ABI3BP: variants seen among roughly 807,000 people sequenced by gnomAD.
ABI3BP encodes the protein target of Nesh-SH3.
In ABI3BP, 216 loss-of-function variants were observed where a neutral mutation model predicts 268.6. That is an observed-to-expected ratio of 0.80 (90% CI 0.72 to 0.90). The LOEUF is 0.90. Ranked by LOEUF, ABI3BP falls within the 40% of genes least tolerant of loss-of-function variation. The pLI is 0.00. For missense variants in ABI3BP, 2,090 were observed against 2,182.4 expected, an observed-to-expected ratio of 0.96 and a Z score of 0.84; for synonymous variants, 730 against 730.0, an observed-to-expected ratio of 1.00 and a Z score of 0.00.
At chr3:100,934,390 C>A (rs2065074157) in intron 1 of ABI3BP, among the ~76,000 whole-genome samples, 2 of 152,084 alleles carry the variant, frequency 1.3e-5, no homozygotes, top group Admixed American at 6.6e-5. Context: ...CACTGATGGG[C>A]ATTTGGGTTG....
intron 34 of ABI3BP, 90 bp downstream of exon 34, chr3:100,828,303 C>A: frequency 7.8e-7 from 1 of 1,286,902 alleles, no homozygotes; most frequent in Non-Finnish European, 1.1e-6. Flanking sequence ...CGTTACAAAA[C>A]CAAAAATGTA....
chr3:100,873,447 A>C (rs745703072), intron 9 of ABI3BP, among the ~76,000 whole-genome samples: 11 of 152,058 alleles, frequency 7.2e-5, no homozygotes, highest in Non-Finnish European at 1.3e-4. Context: ...AGGGGGAAAA[A>C]GGAAAAGAGT....
At chr3:100,967,459 G>T (rs1415489301) in intron 1 of ABI3BP, among the ~76,000 whole-genome samples, 3 of 147,812 alleles carry the variant, frequency 2.0e-5, no homozygotes, top group African/African-American at 7.5e-5. Context: ...AGCTGAGGTA[G>T]CGCCGCTGCA....
intron 2 of ABI3BP, chr3:100,911,930 T>C: frequency 8.6e-7 from 1 of 1,161,898 alleles, no homozygotes; most frequent in Non-Finnish European, 1.3e-6. Flanking sequence ...TGGAGAATAT[T>C]TTCTTCAGTG....
intron 59 of ABI3BP, among the ~76,000 whole-genome samples, chr3:100,776,195 A>G (rs2096699386): frequency 6.6e-6 from 1 of 152,078 alleles, no homozygotes; most frequent in Admixed American, 6.6e-5. Context: ...CACCGGGGAG[A>G]AGGAGTCACT....
chr3:100,904,363 TG>T (rs1245207990), intron 2 of ABI3BP, among the ~76,000 whole-genome samples: 1 of 152,172 alleles, frequency 6.6e-6, no homozygotes, highest in Non-Finnish European at 1.5e-5. Flanking sequence ...GGAAGTCTGA[TG>T]GGACAATAGA....
At chr3:100,786,940 A>G (rs1312534664) in intron 57 of ABI3BP, among the ~76,000 whole-genome samples, 2 of 152,144 alleles carry the variant, frequency 1.3e-5, no homozygotes, top group Non-Finnish European at 2.9e-5. Flanking sequence ...ATCTCTAGGT[A>G]TTATTCACAT....
intron 51 of ABI3BP, among the ~76,000 whole-genome samples, chr3:100,801,290 T>C (rs2097527304): frequency 6.6e-6 from 1 of 151,840 alleles, no homozygotes; most frequent in Non-Finnish European, 1.5e-5. Context: ...AGGCCAGGCA[T>C]GGTGGCTTAC....
At chr3:100,979,524 T>C (rs2088125619) in intron 1 of ABI3BP, among the ~76,000 whole-genome samples, 1 of 152,170 alleles carries the variant, frequency 6.6e-6, no homozygotes, top group African/African-American at 2.4e-5. Context: ...TTTTAAATTA[T>C]CTGATAATTC....
chr3:100,938,684 ATACTT>A (rs1462091259), intron 1 of ABI3BP, among the ~76,000 whole-genome samples: 1 of 152,168 alleles, frequency 6.6e-6, no homozygotes, highest in African/African-American at 2.4e-5. Context: ...CTTCAGCTAA[ATACTT>A]TAAGGAGAAT....
At chr3:100,825,394 C>A (rs1438674361) in intron 35 of ABI3BP, among the ~76,000 whole-genome samples, 1 of 150,300 alleles carries the variant, frequency 6.7e-6, no homozygotes, top group Non-Finnish European at 1.5e-5. Context: ...TTTTTTAAAT[C>A]TAGAAACTCA....
intron 1 of ABI3BP, among the ~76,000 whole-genome samples, chr3:100,965,170 T>C (rs939562931): frequency 5.9e-5 from 9 of 152,150 alleles, no homozygotes; most frequent in Non-Finnish European, 1.2e-4. Flanking sequence ...AGTTCAAACC[T>C]TGGACATCTG....
At chr3:100,867,412 C>G (rs529761634) in intron 9 of ABI3BP, among the ~76,000 whole-genome samples, 2 of 151,838 alleles carry the variant, frequency 1.3e-5, no homozygotes, top group African/African-American at 4.8e-5. Context: ...GAGGCAGAGG[C>G]GGGTGGATCA....
chr3:100,862,300 G>T lies in ABI3BP; in HGVS notation c.1285+11C>A. 1 of 1,570,954 alleles carries T rather than the reference G, an allele frequency of 6.4e-7. No individual in the cohort carries two copies. The highest frequency in any genetic ancestry group is 8.6e-7 in the Non-Finnish European group (1 of 1,156,462). ...TTATAATCGATTTTTTTAAGAAAAG[G>T]ATTTAATTACCAGTTTGAGGCTGCA... is the stretch of plus-strand genomic sequence containing the variant. On this transcript the variant is annotated intron_variant, in intron 14 of 67. Coordinates refer to ENST00000471714, the MANE Select transcript of ABI3BP (RefSeq NM_001375547.2).
chr3:100,929,672 T>C (rs1275735304), intron 1 of ABI3BP, among the ~76,000 whole-genome samples: 1 of 152,024 alleles, frequency 6.6e-6, no homozygotes, highest in Non-Finnish European at 1.5e-5. Flanking sequence ...TCTTCTCTTA[T>C]TACTTTTCAA....
intron 6 of ABI3BP, among the ~76,000 whole-genome samples, chr3:100,881,380 T>C (rs1300665139): frequency 6.6e-6 from 1 of 152,168 alleles, no homozygotes; most frequent in African/African-American, 2.4e-5. Context: ...TCTTAAAATA[T>C]GGGTGGATCT....
At chr3:100,901,763 C>T (rs2050504777) in intron 3 of ABI3BP, among the ~76,000 whole-genome samples, 1 of 147,830 alleles carries the variant, frequency 6.8e-6, no homozygotes, top group Admixed American at 6.7e-5. Context: ...AAGACTCCGT[C>T]TCAAAGAAAA....
intron 51 of ABI3BP, among the ~76,000 whole-genome samples, chr3:100,797,145 A>G (rs2152251683): frequency 6.6e-6 from 1 of 152,218 alleles, no homozygotes; most frequent in East Asian, 1.9e-4. Context: ...ACATAAGCAT[A>G]TGAAAACAAG....
At chr3:100,935,650 T>G (rs2065764208) in intron 1 of ABI3BP, among the ~76,000 whole-genome samples, 1 of 152,164 alleles carries the variant, frequency 6.6e-6, no homozygotes, top group African/African-American at 2.4e-5. Context: ...CTCTCTTACT[T>G]CCTTGAGCAG....
Sources: gnomAD v4.1 joint callset for allele counts (sites outside exome capture counted in the v4.1 genomes callset) on GRCh38, gnomAD v4.1.1 for gene constraint, MANE v1.5 for transcripts, NCBI Gene and HGNC (gene_info 2026-07-23, HGNC 2026-07-21) for gene names.